The following MACROD2 variants were observed in gnomAD, a reference collection of about 807,000 sequenced individuals.
MACROD2 encodes mono-ADP ribosylhydrolase 2.
A neutral mutation model predicts 70.4 loss-of-function variants in MACROD2; 36 were observed. The observed-to-expected ratio is 0.51, with a 90% CI of 0.39 to 0.68. MACROD2 has a LOEUF of 0.68. Ranked by LOEUF, MACROD2 falls within the 30% of genes least tolerant of loss-of-function variation. The probability of loss-of-function intolerance (pLI) is 0.00; values close to 1 mark genes in which losing one functional copy is unlikely to be tolerated. For synonymous variants in MACROD2, 172 were observed against 178.8 expected, an observed-to-expected ratio of 0.96 and a Z score of 0.30; for missense variants, 496 against 538.4, an observed-to-expected ratio of 0.92 and a Z score of 0.78.
intron 5 of MACROD2, among the ~76,000 whole-genome samples, chr20:14,996,558 C>T (rs2122884846): frequency 6.6e-6 from 1 of 152,242 alleles, no homozygotes; most frequent in African/African-American, 2.4e-5. Context: ...GGTGAGTGAT[C>T]ACAGTACTTG....
chr20:14,775,357 T>C (rs959348293), intron 5 of MACROD2, among the ~76,000 whole-genome samples: 1 of 152,076 alleles, frequency 6.6e-6, no homozygotes, highest in Non-Finnish European at 1.5e-5. Context: ...CTGTAGACTG[T>C]ATAAGAAGCA....
At chr20:15,735,890 C>T (rs550592155) in intron 8 of MACROD2, among the ~76,000 whole-genome samples, 95 of 152,236 alleles carry the variant, frequency 6.2e-4, no homozygotes, top group Non-Finnish European at 1.2e-3. Context: ...CAAAGGAATA[C>T]CCCAAATTCA....
chr20:14,148,456 T>C (rs1017751282), intron 3 of MACROD2, among the ~76,000 whole-genome samples: 1 of 152,236 alleles, frequency 6.6e-6, no homozygotes, highest in African/African-American at 2.4e-5. Flanking sequence ...GGATTTATTT[T>C]ATTAGGTCTT....
At chr20:14,901,214 A>G (rs79927576) in intron 5 of MACROD2, among the ~76,000 whole-genome samples, 4,709 of 152,148 alleles carry the variant, frequency 0.031, 233 homozygotes, top group African/African-American at 0.11. Flanking sequence ...GCAGCTTTAA[A>G]AATACTTATT....
At chr20:15,754,638 A>T (rs2051320829) in intron 8 of MACROD2, among the ~76,000 whole-genome samples, 1 of 151,894 alleles carries the variant, frequency 6.6e-6, no homozygotes, top group South Asian at 2.1e-4. Flanking sequence ...AAAAAGAAAA[A>T]AAAAAAGAGC....
At chr20:14,124,557 T>A (rs903876351) in intron 3 of MACROD2, among the ~76,000 whole-genome samples, 2 of 152,158 alleles carry the variant, frequency 1.3e-5, no homozygotes, top group African/African-American at 4.8e-5. Flanking sequence ...AAATGTCAGA[T>A]GCGTGTAGGG....
At chr20:14,725,400 G>A (rs902716695) in intron 5 of MACROD2, among the ~76,000 whole-genome samples, 26 of 152,128 alleles carry the variant, frequency 1.7e-4, no homozygotes, top group African/African-American at 6.0e-4. Flanking sequence ...AATGAATAGT[G>A]TAGTGCACCA....
intron 6 of MACROD2, among the ~76,000 whole-genome samples, chr20:15,319,127 A>G (rs911880612): frequency 6.6e-6 from 1 of 152,198 alleles, no homozygotes; most frequent in Non-Finnish European, 1.5e-5. Flanking sequence ...TGCAGGGCAC[A>G]ACATCAATAC....
chr20:15,423,589 T>C (rs2146344465), intron 6 of MACROD2, among the ~76,000 whole-genome samples: 1 of 151,918 alleles, frequency 6.6e-6, no homozygotes, highest in Non-Finnish European at 1.5e-5. Flanking sequence ...TCTTGGTGTG[T>C]AGACTGCTGT....
At chr20:15,668,219 C>A (rs1383225173) in intron 8 of MACROD2, among the ~76,000 whole-genome samples, 1 of 151,492 alleles carries the variant, frequency 6.6e-6, no homozygotes, top group Non-Finnish European at 1.5e-5. Flanking sequence ...AAGATTGTGC[C>A]ATTGCACTCC....
Position 14,964,236 on chromosome 20 carries a change from C to T in MACROD2, c.419-265704C>T, listed in dbSNP as rs1043325018. Among the ~76,000 whole-genome samples the T allele has an allele frequency of 7.9e-5, 12 of 152,226 alleles. 1 individual carries two copies. In the South Asian group the frequency reaches 1.9e-3, roughly 24 times the overall value. ...ACTCTCTGAATTAGGATTTCAACCT[C>T]TTCGATTTCCTTCTGATTTTGTGTA... On this transcript the variant is annotated intron_variant, in intron 5 of 17. Transcript: ENST00000684519.
At chr20:15,850,998 C>T (rs979536757) in intron 8 of MACROD2, among the ~76,000 whole-genome samples, 5 of 151,996 alleles carry the variant, frequency 3.3e-5, no homozygotes, top group East Asian at 1.9e-4. Context: ...CTCAGGTGGC[C>T]GGCTTCATGT....
intron 5 of MACROD2, among the ~76,000 whole-genome samples, chr20:15,077,518 G>C (rs1464604056): frequency 6.6e-6 from 1 of 152,154 alleles, no homozygotes; most frequent in Non-Finnish European, 1.5e-5. Context: ...TATTAGTAGT[G>C]TGGTAAATCA....
intron 5 of MACROD2, among the ~76,000 whole-genome samples, chr20:15,209,447 TA>T (rs1272365500): frequency 3.3e-5 from 5 of 152,208 alleles, no homozygotes; most frequent in Non-Finnish European, 5.9e-5. Context: ...GTGCTAAAGT[TA>T]GGAAAAGATG....
chr20:15,872,124 T>G lies in MACROD2; in HGVS notation c.727+9298T>G, dbSNP rs531414006. On this transcript the variant is annotated intron_variant, in intron 9 of 17. Coordinates refer to ENST00000684519, the MANE Select transcript of MACROD2 (RefSeq NM_001351661.2). ...CAGTTGTTTGAAGCTACTTGTCTGC[T>G]AAAAAAGCCACATATTATCCATTTG... 2.6e-5 allele frequency among the ~76,000 whole-genome samples: 4 copies of G among 152,290 alleles called. No homozygotes were observed. In the East Asian group the frequency reaches 7.7e-4, roughly 29 times the overall value.
At chr20:14,711,245 T>C (rs2071335043) in intron 5 of MACROD2, among the ~76,000 whole-genome samples, 1 of 152,188 alleles carries the variant, frequency 6.6e-6, no homozygotes, top group Non-Finnish European at 1.5e-5. Flanking sequence ...TAGAGCATAG[T>C]TATAACTCCC....
At chr20:14,259,809 G>A (rs570739092) in intron 3 of MACROD2, among the ~76,000 whole-genome samples, 1 of 152,304 alleles carries the variant, frequency 6.6e-6, no homozygotes, top group East Asian at 1.9e-4. Context: ...TTGGTATGTA[G>A]AGAAGTAGTA....
chr20:15,616,688 C>T (rs904755360), intron 8 of MACROD2, among the ~76,000 whole-genome samples: 1 of 152,148 alleles, frequency 6.6e-6, no homozygotes, highest in South Asian at 2.1e-4. Flanking sequence ...TGGATTTCCT[C>T]TCTTGCCTCT....
chr20:15,885,002 C>A (rs1396504309), intron 9 of MACROD2, among the ~76,000 whole-genome samples: 1 of 152,038 alleles, frequency 6.6e-6, no homozygotes, highest in Non-Finnish European at 1.5e-5. Context: ...TAATCAACTT[C>A]CAAAGGCCTC....
Sources: gnomAD v4.1 joint callset for allele counts (sites outside exome capture counted in the v4.1 genomes callset) on GRCh38, gnomAD v4.1.1 for gene constraint, MANE v1.5 for transcripts, NCBI Gene and HGNC (gene_info 2026-07-23, HGNC 2026-07-21) for gene names.